Variants in DCDC2C observed in about 807,000 individuals in gnomAD.
DCDC2C encodes doublecortin domain-containing protein 2C.
DCDC2C carries 44 observed loss-of-function variants against 45.0 expected under a neutral mutation model. That is an observed-to-expected ratio of 0.98 (90% CI 0.77 to 1.26). DCDC2C has a LOEUF of 1.26. Among genes scored for constraint, DCDC2C ranks in the 50% most tolerant of loss-of-function variants. DCDC2C has a pLI of 0.00. For missense variants in DCDC2C, 447 were observed against 468.9 expected (o/e 0.95, Z 0.43); for synonymous variants, 187 against 178.8 (o/e 1.05, Z -0.37).
chr2:3,808,093 T>C (rs896147374), intron 10 of DCDC2C, among the ~76,000 whole-genome samples: 2 of 152,238 alleles, frequency 1.3e-5, no homozygotes, highest in Non-Finnish European at 2.9e-5. Context: ...TGTAAGAAGC[T>C]GGCAAACTTT....
Position 3,737,208 on chromosome 2 carries a change from T to G in DCDC2C, c.417-4712T>G, listed in dbSNP as rs148934976. ...AGTGGGGGAATGAGAGGTCCAGAGA[T>G]AGAGCTATTTAGTTCTAGAATCAGC... On this transcript the variant is annotated intron_variant, in intron 3 of 10. Transcript: ENST00000399143. Among the ~76,000 whole-genome samples, 5 of 152,266 alleles carry G rather than the reference T, an allele frequency of 3.3e-5. No homozygotes were observed. The East Asian group carries it at 9.7e-4, about 29-fold the overall frequency.
chr2:3,808,479 C>T (rs912639937), intron 10 of DCDC2C, among the ~76,000 whole-genome samples: 2 of 152,086 alleles, frequency 1.3e-5, no homozygotes, highest in African/African-American at 4.8e-5. Flanking sequence ...GCAACCTCTG[C>T]CTCCCAGGTT....
At chr2:3,754,732 A>C in intron 6 of DCDC2C, 98 bp downstream of exon 6, 1 of 1,067,542 alleles carries the variant, frequency 9.4e-7, no homozygotes, top group Non-Finnish European at 1.4e-6. Flanking sequence ...CCGAGCTGTA[A>C]ACAGAGCATC....
chr2:3,739,385 ACCACCCTTGGCCTGCCACGCCC>A (rs1669126868), intron 3 of DCDC2C, among the ~76,000 whole-genome samples: 1 of 143,440 alleles, frequency 7.0e-6, no homozygotes, highest in Admixed American at 6.7e-5. Context: ...ATTTCCCAAG[ACCACCCTTGGCCTGCCACGCCC>A]CCATCCTGTG....
Position 3,845,442 on chromosome 2 carries a change from A to G in DCDC2C, c.1066-1712A>G, listed in dbSNP as rs561163789. 4.6e-5 allele frequency among the ~76,000 whole-genome samples: 7 copies of G among 152,344 alleles called. No individual in the cohort carries two copies. The East Asian group carries it at 1.2e-3, about 25-fold the overall frequency. On this transcript the variant is annotated intron_variant, in intron 10 of 10. Transcript: ENST00000399143. ...TAGGATGGTCCAAGTCCTCTTAAAG[A>G]TCAGACCAGTTTCACACCATCTGCC...
chr2:3,803,393 C>A (rs1481222459), intron 10 of DCDC2C, among the ~76,000 whole-genome samples: 2 of 152,190 alleles, frequency 1.3e-5, no homozygotes, highest in African/African-American at 2.4e-5. Context: ...CAAGCACAGA[C>A]CTTGCGTCCT....
chr2:3,827,246 T>C (rs1409106373), intron 10 of DCDC2C, among the ~76,000 whole-genome samples: 1 of 150,266 alleles, frequency 6.7e-6, no homozygotes, highest in African/African-American at 2.5e-5. Flanking sequence ...ACATATGGAG[T>C]GGAGGACATC....
intron 3 of DCDC2C, among the ~76,000 whole-genome samples, chr2:3,737,101 T>C (rs952185119): frequency 2.0e-5 from 3 of 152,120 alleles, no homozygotes; most frequent in Admixed American, 1.3e-4. Context: ...CCATCCAGAA[T>C]TGACTGAGTA....
At chr2:3,806,663 G>A (rs965432594) in intron 10 of DCDC2C, among the ~76,000 whole-genome samples, 2 of 149,694 alleles carry the variant, frequency 1.3e-5, no homozygotes, top group African/African-American at 4.9e-5. Flanking sequence ...CTGCCTCAGC[G>A]TCCTGAGTAG....
chr2:3,709,638 A>G (rs534035248), intron 2 of DCDC2C, among the ~76,000 whole-genome samples: 2 of 152,354 alleles, frequency 1.3e-5, no homozygotes, highest in East Asian at 3.9e-4. Flanking sequence ...TTTCAGGGCT[A>G]CCTTAATAAA....
intron 10 of DCDC2C, among the ~76,000 whole-genome samples, chr2:3,836,499 A>G (rs1672079391): frequency 6.6e-6 from 1 of 152,218 alleles, no homozygotes; most frequent in Admixed American, 6.5e-5. Context: ...TATCACACAA[A>G]TGCTAATTTT....
intron 10 of DCDC2C, among the ~76,000 whole-genome samples, chr2:3,816,136 G>C (rs1395400097): frequency 6.6e-6 from 1 of 152,092 alleles, no homozygotes; most frequent in Non-Finnish European, 1.5e-5. Flanking sequence ...GATATTGTGG[G>C]GTTGTTAAAA....
chr2:3,843,673 T>C (rs963506671), intron 10 of DCDC2C, among the ~76,000 whole-genome samples: 3 of 152,238 alleles, frequency 2.0e-5, no homozygotes, highest in Non-Finnish European at 4.4e-5. Flanking sequence ...GCATGGCCTC[T>C]GGATTCTCCT....
At chr2:3,769,525 G>A (rs968982899) in intron 8 of DCDC2C, 114 bp downstream of exon 8, 57 of 932,618 alleles carry the variant, frequency 6.1e-5, no homozygotes, top group South Asian at 5.3e-4. Context: ...ACTCTAGAAT[G>A]TTCTGTGTTC....
chr2:3,729,295 C>T (rs559554440), intron 3 of DCDC2C, among the ~76,000 whole-genome samples: 7 of 152,264 alleles, frequency 4.6e-5, no homozygotes, highest in South Asian at 2.1e-4. Flanking sequence ...GGAGGAGGCA[C>T]GTTTGTGCCA....
chr2:3,713,566 G>A (rs1196101863), intron 2 of DCDC2C, among the ~76,000 whole-genome samples: 16 of 152,208 alleles, frequency 1.1e-4, no homozygotes, highest in Admixed American at 1.0e-3. Context: ...AAGGCCATGT[G>A]CAGCCCTTCC....
At chr2:3,713,477 C>T (rs1668272912) in intron 2 of DCDC2C, among the ~76,000 whole-genome samples, 1 of 152,176 alleles carries the variant, frequency 6.6e-6, no homozygotes, top group African/African-American at 2.4e-5. Context: ...GAGTTGAGAA[C>T]AGCTGCATCC....
chr2:3,829,284 CT>C (rs5828893), intron 10 of DCDC2C, among the ~76,000 whole-genome samples: 54,708 of 129,434 alleles, frequency 0.42, 9,312 homozygotes, highest in Admixed American at 0.45. Flanking sequence ...ATGTCTTTTT[CT>C]TTTTTTTTTT....
At chr2:3,758,100 C>A (rs780953769) in intron 6 of DCDC2C, among the ~76,000 whole-genome samples, 2 of 152,182 alleles carry the variant, frequency 1.3e-5, no homozygotes, top group African/African-American at 4.8e-5. Context: ...GAAAAGGGAG[C>A]AAAATAGACA....
Sources: gnomAD v4.1 joint callset for allele counts (sites outside exome capture counted in the v4.1 genomes callset) on GRCh38, gnomAD v4.1.1 for gene constraint, MANE v1.5 for transcripts, NCBI Gene and HGNC (gene_info 2026-07-23, HGNC 2026-07-21) for gene names.